DOCK1: variants seen among roughly 807,000 people sequenced by gnomAD.
DOCK1 encodes the protein dedicator of cytokinesis protein 1.
In DOCK1, 138 loss-of-function variants were observed where a neutral mutation model predicts 262.7. That is an observed-to-expected ratio of 0.53 (90% CI 0.46 to 0.61). The LOEUF (loss-of-function observed/expected upper bound fraction) is 0.61. Ranked by LOEUF, DOCK1 falls within the 20% of genes least tolerant of loss-of-function variation. DOCK1 has a pLI of 0.00. For synonymous variants in DOCK1, 866 were observed against 867.4 expected (o/e 1.00, Z 0.03); for missense variants, 1,908 against 2,370.7 (o/e 0.80, Z 4.05).
chr10:127,028,829 T>C (rs554284364), intron 16 of DOCK1, among the ~76,000 whole-genome samples: 16 of 152,264 alleles, frequency 1.1e-4, no homozygotes, highest in Admixed American at 1.0e-3. Flanking sequence ...AGGTGTGTCC[T>C]CGACCAAGGC....
chr10:127,363,013 C>CCA lies in DOCK1; in HGVS notation c.3432+816_3432+817dup, dbSNP rs768899518. Among the ~76,000 whole-genome samples, 25 of 37,232 alleles carry CCA rather than the reference C, an allele frequency of 6.7e-4. 2 individuals are homozygous for CCA. Among genetic ancestry groups the CCA allele is most frequent in the African/African-American group, 1.9e-3 (14 of 7,246 alleles). 24.4% of individuals were successfully genotyped at this position (37,232 alleles called of 152,430 possible). A position where few individuals can be genotyped will look rare whatever the true frequency, so the allele number is the denominator to read the frequency against. ...CCCCCCCACACACACACGCACATCC[C>CCA]CACACACACACACACATGCACCTCC... On this transcript the variant is annotated intron_variant, in intron 33 of 51. Transcript: ENST00000623213.
rs1385557071 is a variant in DOCK1 at position 127,277,268 on chromosome 10, G to C, written c.3044+19839G>C. 1.2e-4 allele frequency among the ~76,000 whole-genome samples: 19 copies of C among 152,150 alleles called. 1 individual carries two copies. The highest frequency in any genetic ancestry group is 5.9e-5 in the Non-Finnish European group (4 of 68,022). On this transcript the variant is annotated intron_variant, in intron 29 of 51. Transcript: ENST00000623213. ...GTAGCTAATAAAAAATTTTGATGAG[G>C]CAGCAGATCATTAAGAAAATACATA...
chr10:127,445,359 C>A (rs966174076), intron 50 of DOCK1, among the ~76,000 whole-genome samples: 7 of 152,136 alleles, frequency 4.6e-5, no homozygotes, highest in Non-Finnish European at 1.0e-4. Flanking sequence ...TTTCCTCTTG[C>A]TGAAAGGGGA....
At chr10:127,026,294 G>C in intron 15 of DOCK1, 58 bp from the exon 16 acceptor site, 1 of 1,463,592 alleles carries the variant, frequency 6.8e-7, no homozygotes, top group African/African-American at 1.4e-5. Context: ...GTTGAATAAA[G>C]CTGTTACGCT....
chr10:127,218,401 ATCT>A (rs1350860855), intron 27 of DOCK1, among the ~76,000 whole-genome samples: 1 of 152,148 alleles, frequency 6.6e-6, no homozygotes, highest in Non-Finnish European at 1.5e-5. Flanking sequence ...TGATAGGGAA[ATCT>A]TCTTCAATGA....
intron 29 of DOCK1, among the ~76,000 whole-genome samples, chr10:127,269,929 C>A (rs2135164421): frequency 6.6e-6 from 1 of 152,342 alleles, no homozygotes; most frequent in South Asian, 2.1e-4. Flanking sequence ...TGAATGAATG[C>A]CAGCTCCTGA....
rs145768059 is a variant in DOCK1 at position 126,993,457 on chromosome 10, G to A, written c.473+2854G>A. Among the ~76,000 whole-genome samples, 115 of 152,308 alleles carry A rather than the reference G, an allele frequency of 7.6e-4. 1 individual carries two copies. The South Asian group carries it at 0.015, about 20-fold the overall frequency. ...CACCAGCACAAACCATGCCCACACC[G>A]TCACTGACCCTGCCTGTACCAGCAC... On this transcript the variant is annotated intron_variant, in intron 6 of 51. Coordinates refer to ENST00000623213, the MANE Select transcript of DOCK1 (RefSeq NM_001290223.2).
Position 127,205,110 on chromosome 10 carries a change from T to C in DOCK1, c.2848-42898T>C, listed in dbSNP as rs181153459. Reference sequence around the variant, plus strand: ...GGAAATTTATTTTAAAGGTACTGATTTTTTCCTTCCCCACAGAGTAAATAT... The same window carrying C: ...GGAAATTTATTTTAAAGGTACTGATCTTTTCCTTCCCCACAGAGTAAATAT... On this transcript the variant is annotated intron_variant, in intron 27 of 51. Transcript: ENST00000623213. Among the ~76,000 whole-genome samples, 568 of 152,296 alleles carry C rather than the reference T, an allele frequency of 3.7e-3. 4 individuals carry two copies. The highest frequency in any genetic ancestry group is 5.6e-3 in the Non-Finnish European group (381 of 68,026).
intron 27 of DOCK1, chr10:127,192,820 C>T (rs1283482481): frequency 5.3e-5 from 8 of 152,180 alleles, no homozygotes; most frequent in African/African-American, 1.2e-4. Context: ...GTCCAAACAA[C>T]TTGTTTACAG....
intron 1 of DOCK1, among the ~76,000 whole-genome samples, chr10:126,962,190 G>T (rs1185502036): frequency 1.4e-5 from 2 of 143,660 alleles, no homozygotes; most frequent in African/African-American, 2.6e-5. Flanking sequence ...ATGGAGTTTC[G>T]CTCTTGTTGC....
At chr10:127,192,347 A>G (rs1224049366) in intron 27 of DOCK1, among the ~76,000 whole-genome samples, 10 of 152,242 alleles carry the variant, frequency 6.6e-5, no homozygotes, top group African/African-American at 2.4e-4. Context: ...ATTTAGAATC[A>G]TAATTCCTGC....
intron 29 of DOCK1, among the ~76,000 whole-genome samples, chr10:127,295,370 T>C (rs927579588): frequency 1.3e-5 from 2 of 152,102 alleles, no homozygotes; most frequent in African/African-American, 4.8e-5. Flanking sequence ...ACCTCACTCA[T>C]TGCCACAGGG....
intron 23 of DOCK1, among the ~76,000 whole-genome samples, chr10:127,084,569 T>C (rs1372385908): frequency 1.3e-5 from 2 of 152,342 alleles, no homozygotes; most frequent in East Asian, 1.9e-4. Context: ...TGAGATACCA[T>C]TGATTGTTTC....
intron 25 of DOCK1, among the ~76,000 whole-genome samples, chr10:127,111,600 A>T (rs1177699963): frequency 6.6e-6 from 1 of 152,136 alleles, no homozygotes; most frequent in African/African-American, 2.4e-5. Flanking sequence ...AAGGCTGATG[A>T]TAGAGGTGAT....
intron 13 of DOCK1, among the ~76,000 whole-genome samples, chr10:127,019,827 A>G (rs975440584): frequency 4.6e-5 from 7 of 152,136 alleles, no homozygotes; most frequent in African/African-American, 1.7e-4. Context: ...TCCAGATTAA[A>G]CTGTAGCCTA....
chr10:126,923,742 C>A (rs1040480924), intron 1 of DOCK1, among the ~76,000 whole-genome samples: 1 of 152,234 alleles, frequency 6.6e-6, no homozygotes, highest in Admixed American at 6.5e-5. Flanking sequence ...TCCCCCTCCC[C>A]ACTTCATACA....
chr10:127,266,130 G>T (rs10458718), intron 29 of DOCK1, among the ~76,000 whole-genome samples: 50,464 of 152,118 alleles, frequency 0.33, 9,688 homozygotes, highest in South Asian at 0.57. Context: ...GGAGGACTGC[G>T]TGTTTTCTTT....
intron 27 of DOCK1, among the ~76,000 whole-genome samples, chr10:127,216,723 C>G (rs2058231148): frequency 6.6e-6 from 1 of 152,098 alleles, no homozygotes; most frequent in African/African-American, 2.4e-5. Context: ...CTCAAAGTAC[C>G]CTTTACCTTA....
At chr10:127,271,654 A>G (rs1398896552) in intron 29 of DOCK1, among the ~76,000 whole-genome samples, 1 of 152,150 alleles carries the variant, frequency 6.6e-6, no homozygotes, top group African/African-American at 2.4e-5. Flanking sequence ...TCTTCTGAAC[A>G]TTTCAGTGGC....
Sources: allele counts gnomAD v4.1 joint callset (sites outside exome capture counted in the v4.1 genomes callset), GRCh38; gene constraint gnomAD v4.1.1; transcripts MANE v1.5; gene names NCBI Gene and HGNC (gene_info 2026-07-23, HGNC 2026-07-21).